KDM5C: variants seen among roughly 807,000 people sequenced by gnomAD.
KDM5C encodes the protein lysine demethylase 5C.
In KDM5C, 16 loss-of-function variants were observed where a neutral mutation model predicts 110.6. The observed-to-expected ratio is 0.14, with a 90% CI of 0.10 to 0.22. The LOEUF (loss-of-function observed/expected upper bound fraction) is 0.22, where lower values mean the gene tolerates loss of function less well. Among genes scored for constraint, KDM5C ranks in the 10% least tolerant of loss-of-function variants. The pLI is 1.00. For missense variants in KDM5C, 681 were observed against 1,300.9 expected (o/e 0.52, Z 7.33); for synonymous variants, 511 against 520.4 (o/e 0.98, Z 0.24).
At chrX:53,204,748 G>A (rs1038847114) in intron 12 of KDM5C, among the ~76,000 whole-genome samples, 3 of 111,463 alleles carry the variant, frequency 2.7e-5, no homozygotes, top group Admixed American at 9.5e-5. Flanking sequence ...CACCCGCCTC[G>A]GCCTCCCAAA....
chrX:53,224,282 A>C (rs1556855909), intron 1 of KDM5C, among the ~76,000 whole-genome samples: 1 of 112,225 alleles, frequency 8.9e-6, no homozygotes, highest in African/African-American at 3.2e-5. Context: ...ACAGCTGCTC[A>C]GCTTCAAAGT....
At chrX:53,180,438 ATGTGCCAG>A (rs1556825473) in intron 25 of KDM5C, among the ~76,000 whole-genome samples, 1 of 111,603 alleles carries the variant, frequency 9.0e-6, no homozygotes. Context: ...TTGACCAATT[ATGTGCCAG>A]TGTATTGACT....
chrX:53,176,367 G>A (rs782058096), exon 26 of KDM5C, among the ~76,000 whole-genome samples: 1 of 112,030 alleles, frequency 8.9e-6, no homozygotes, highest in African/African-American at 3.2e-5. Flanking sequence ...ACTAAAGTTA[G>A]GGGTTTATAT....
chrX:53,224,892 T>C lies in KDM5C; in HGVS notation c.-3A>G. 8.3e-7 allele frequency: 1 copy of C among 1,204,367 alleles called. No homozygotes were observed. The highest frequency in any genetic ancestry group is 1.1e-6 in the Non-Finnish European group (1 of 891,198). ...AAATCGTCGGACCCCGGCTCCATGGTGGGCCCGAGGTCTGGGCCAGGGATC... is the reference window on the plus strand; with the variant it reads ...AAATCGTCGGACCCCGGCTCCATGGCGGGCCCGAGGTCTGGGCCAGGGATC... On this transcript the variant is annotated 5_prime_UTR_variant, in exon 1 of 26. Transcript: ENST00000375401.
At chrX:53,214,342 C>G in intron 8 of KDM5C, 1 of 201,841 alleles carries the variant, frequency 5.0e-6, no homozygotes, top group Non-Finnish European at 9.1e-6. Flanking sequence ...TCCTATCCTT[C>G]AAGTCTCATT....
chrX:53,198,706 A>G, intron 16 of KDM5C, 58 bp downstream of exon 16: 1 of 1,211,304 alleles, frequency 8.3e-7, no homozygotes, highest in Non-Finnish European at 1.1e-6. Context: ...GGGTCAGAGT[A>G]CAGAAGAAAG....
intron 1 of KDM5C, 46 bp downstream of exon 1, chrX:53,224,694 G>A (rs1556856075): frequency 2.5e-6 from 3 of 1,205,661 alleles, no homozygotes; most frequent in South Asian, 3.5e-5. Context: ...CTATCCTACT[G>A]CTTCATTCCG....
rs913917275 is a variant in KDM5C at position 53,192,504 on chromosome X, G to A, written c.*463C>T. 14 of 316,341 alleles carry A rather than the reference G, an allele frequency of 4.4e-5. No homozygotes were observed. Among genetic ancestry groups the A allele is most frequent in the African/African-American group, 3.3e-4 (12 of 36,283 alleles). 26.1% of individuals were successfully genotyped at this position (316,341 alleles called of 1,213,427 possible). A position where few individuals can be genotyped will look rare whatever the true frequency, so the allele number is the denominator to read the frequency against. ...TCCTCCTCCTGGGTGGAACAGTCAGGGGAAGGGAGAGGGAGAAGGGGGTAG... is the reference window on the plus strand; with the variant it reads ...TCCTCCTCCTGGGTGGAACAGTCAGAGGAAGGGAGAGGGAGAAGGGGGTAG... On this transcript the variant is annotated 3_prime_UTR_variant, in exon 26 of 26. Transcript: ENST00000375401.
chrX:53,204,672 A>G (rs2073266919), intron 12 of KDM5C, among the ~76,000 whole-genome samples: 2 of 110,654 alleles, frequency 1.8e-5, no homozygotes, highest in African/African-American at 3.3e-5. Flanking sequence ...AATTTTTTGT[A>G]TTTTTGTTAG....
In KDM5C at chrX:53,201,958, G is replaced by A; in HGVS notation, c.1762C>T (p.Gln588Ter). The change falls in exon 13 of 26, where the codon CAG becomes TAG. Residue 588 changes from glutamine (Q) to a stop codon, truncating the protein, a stop_gained. Coordinates refer to ENST00000375401, the MANE Select transcript of KDM5C (RefSeq NM_004187.5). LOFTEE classifies it high-confidence loss of function. Reference protein sequence around the residue: ...SHGVPVVRTNQCAGEFVITFP... With the variant: ...SHGVPVVRTN ...GTGATGACAAACTCTCCTGCACACT[G>A]GTTTGTGCGGACAACCTGAAGAACA... The A allele has an allele frequency of 8.3e-7, 1 of 1,211,824 alleles. No individual in the cohort carries two copies. Among genetic ancestry groups the A allele is most frequent in the Non-Finnish European group, 1.1e-6 (1 of 895,355 alleles).
intron 18 of KDM5C, 62 bp downstream of exon 18, chrX:53,197,709 T>C (rs2073000159): frequency 2.2e-6 from 2 of 928,111 alleles, no homozygotes; most frequent in African/African-American, 1.9e-5. Flanking sequence ...GAGCCAAGCA[T>C]GGCCTGCTGC....
chrX:53,194,246 G>A lies in KDM5C; in HGVS notation c.3931C>T (p.Leu1311Phe), dbSNP rs782471053. 4.1e-6 allele frequency: 5 copies of A among 1,212,166 alleles called. No individual in the cohort carries two copies. The South Asian group carries it at 5.3e-5, about 13-fold the overall frequency. Residue 1311 changes from leucine to phenylalanine, a missense_variant, in exon 23 of 26, where the codon CTC (leucine) becomes TTC (phenylalanine). Physicochemically the swap from Leu to Phe is conservative, Grantham distance 22 (BLOSUM62 0). This residue lies in a region of KDM5C where 88 missense variants were observed against 85.6 expected (regional missense o/e 1.03). Coordinates refer to ENST00000375401, the MANE Select transcript of KDM5C (RefSeq NM_004187.5). Reference sequence around the variant, plus strand: ...GGTTCAGCCTGTAGCCGTTGGCGGAGCTCAGCCAGCCGTCCCAAAAGAGCA... The same window carrying A: ...GGTTCAGCCTGTAGCCGTTGGCGGAACTCAGCCAGCCGTCCCAAAAGAGCA... Reference protein sequence around the residue: ...VTALLGRLAELRQRLQAEPRP... With the variant: ...VTALLGRLAEFRQRLQAEPRP...
At chrX:53,212,909 G>A (rs185001898) in intron 8 of KDM5C, among the ~76,000 whole-genome samples, 1 of 111,005 alleles carries the variant, frequency 9.0e-6, no homozygotes. Context: ...GCTGAGGCAG[G>A]AGAATCGCTT....
chrX:53,221,577 GC>G (rs1316275636), intron 1 of KDM5C: 3 of 371,686 alleles, frequency 8.1e-6, no homozygotes, highest in Non-Finnish European at 1.5e-5. Flanking sequence ...TCCGATTGTG[GC>G]AGGACGTAAA....
At chrX:53,217,722 G>A in intron 4 of KDM5C, 74 bp downstream of exon 4, 1 of 1,111,809 alleles carries the variant, frequency 9.0e-7, no homozygotes, top group Non-Finnish European at 1.2e-6. Context: ...CACTAAACCA[G>A]TTTCATTAAG....
intron 25 of KDM5C, among the ~76,000 whole-genome samples, chrX:53,178,908 G>A (rs993985192): frequency 8.9e-6 from 1 of 111,950 alleles, no homozygotes; most frequent in Admixed American, 9.5e-5. Flanking sequence ...GACCAGCCTG[G>A]CCAACATGGT....
chrX:53,216,480 C>G (rs1390598999), intron 5 of KDM5C, among the ~76,000 whole-genome samples: 3 of 112,131 alleles, frequency 2.7e-5, no homozygotes, highest in Non-Finnish European at 1.9e-5. Flanking sequence ...GGGTTAGGGA[C>G]AATACATATG....
chrX:53,197,360 A>G (rs1372165201), intron 18 of KDM5C, among the ~76,000 whole-genome samples: 2 of 111,379 alleles, frequency 1.8e-5, no homozygotes, highest in East Asian at 5.6e-4. Flanking sequence ...GGGCACCAAG[A>G]GACCTCCCTG....
intron 12 of KDM5C, among the ~76,000 whole-genome samples, chrX:53,206,639 A>G (rs1489520878): frequency 9.1e-6 from 1 of 110,050 alleles, no homozygotes; most frequent in Non-Finnish European, 1.9e-5. Flanking sequence ...CGAGGCGGGC[A>G]GATCACTTGA....
Sources: gnomAD v4.1 joint callset for allele counts (sites outside exome capture counted in the v4.1 genomes callset) on GRCh38, gnomAD v4.1.1 for gene constraint, gnomAD v4.1.1 regional missense constraint, MANE v1.5 for transcripts, NCBI Gene and HGNC (gene_info 2026-07-23, HGNC 2026-07-21) for gene names.